ITIH3: variants seen among roughly 807,000 people sequenced by gnomAD.
ITIH3 encodes inter-alpha-trypsin inhibitor heavy chain 3.
In ITIH3, 81 loss-of-function variants were observed where a neutral mutation model predicts 96.5. The observed-to-expected ratio is 0.84, with a 90% confidence interval of 0.70 to 1.01. The LOEUF (loss-of-function observed/expected upper bound fraction) is 1.01. ITIH3 is among the 50% of genes least tolerant of loss of function. The probability of loss-of-function intolerance (pLI) is 0.00; values close to 1 mark genes in which losing one functional copy is unlikely to be tolerated. For synonymous variants in ITIH3, 422 were observed against 445.2 expected (o/e 0.95, Z 0.66); for missense variants, 1,057 against 1,139.3 (o/e 0.93, Z 1.04).
At chr3:52,802,120 T>C (rs1000036222) in intron 11 of ITIH3, 1 of 494,356 alleles carries the variant, frequency 2.0e-6, no homozygotes, top group African/African-American at 1.9e-5. Context: ...GAAATACTTC[T>C]GAAACTGTCC....
intron 11 of ITIH3, among the ~76,000 whole-genome samples, chr3:52,801,714 G>C (rs1469504288): frequency 2.0e-5 from 3 of 152,124 alleles, no homozygotes; most frequent in African/African-American, 7.2e-5. Context: ...TTGGATTAGG[G>C]CCCATACTCA....
chr3:52,802,919 G>C, intron 13 of ITIH3, 113 bp downstream of exon 13: 1 of 1,278,132 alleles, frequency 7.8e-7, no homozygotes. Context: ...AGCCCAGGAA[G>C]TGTCTGTAGA....
rs1559470526 is a variant in ITIH3 at position 52,797,866 on chromosome 3, A to AGGC, written c.600_602dup (p.Ala201dup). ...CAGGGAATCAGCATGCTGGATGCTGAGGCCTCTTTCATCACCAACGACCTC... is the reference window on the plus strand; with the variant it reads ...CAGGGAATCAGCATGCTGGATGCTGAGGCGGCCTCTTTCATCACCAACGACCTC... On this transcript the variant is annotated inframe_insertion, in exon 6 of 22. Coordinates refer to ENST00000449956, the MANE Select transcript of ITIH3 (RefSeq NM_002217.4). The AGGC allele has an allele frequency of 6.2e-7, 1 of 1,610,396 alleles. No homozygotes were observed.
chr3:52,797,941 T>C lies in ITIH3; in HGVS notation c.663+11T>C, dbSNP rs143340291. 1.3e-6 allele frequency: 2 copies of C among 1,515,124 alleles called. No homozygotes were observed. Among genetic ancestry groups the C allele is most frequent in the Non-Finnish European group, 9.0e-7 (1 of 1,106,006 alleles). The allele number at this position is 1,515,124 out of a possible 1,614,324, so 93.9% of individuals were successfully genotyped here. A position where few individuals can be genotyped will look rare whatever the true frequency, so the allele number is the denominator to read the frequency against. ...TTCTCAGGGAAAAAGGTGATGTAGA[T>C]GCCTCTCAGACCTGGTGGGGCAGGG... On this transcript the variant is annotated intron_variant, in intron 6 of 21. Transcript: ENST00000449956.
intron 21 of ITIH3, 127 bp from the exon 22 acceptor site, chr3:52,808,425 A>T (rs1408042597): frequency 7.3e-7 from 1 of 1,374,912 alleles, no homozygotes; most frequent in Admixed American, 1.8e-5. Context: ...ATGTAACTTC[A>T]TTCTTGACCA....
intron 2 of ITIH3, 54 bp downstream of exon 2, chr3:52,795,677 G>A: frequency 1.3e-6 from 2 of 1,565,236 alleles, no homozygotes; most frequent in Admixed American, 1.7e-5. Context: ...GGATGGAGCT[G>A]GTTCCCCAAC....
chr3:52,802,400 A>G lies in ITIH3; in HGVS notation c.1450A>G (p.Ile484Val), dbSNP rs1295298329. 3 of 1,613,804 alleles carry G rather than the reference A, an allele frequency of 1.9e-6. No homozygotes were observed. The highest frequency in any genetic ancestry group is 2.5e-6 in the Non-Finnish European group (3 of 1,179,884). Reference protein sequence around the residue: ...GVEMEYPENAILDLTQNTYQH... With the variant: ...GVEMEYPENAVLDLTQNTYQH... ...GGAGATGGAGTACCCCGAGAACGCTATCCTGGACCTCACCCAGAACACTTA... is the reference window on the plus strand; with the variant it reads ...GGAGATGGAGTACCCCGAGAACGCTGTCCTGGACCTCACCCAGAACACTTA... The change falls in exon 12 of 22, where the codon ATC becomes GTC. Residue 484 changes from isoleucine (I) to valine (V), a missense_variant. Coordinates refer to ENST00000449956, the MANE Select transcript of ITIH3 (RefSeq NM_002217.4).
chr3:52,796,112 C>T (rs1267961203), intron 2 of ITIH3: 7 of 260,662 alleles, frequency 2.7e-5, no homozygotes, highest in Admixed American at 2.0e-4. Context: ...GGGCTGTGTG[C>T]TTGAGGGAGT....
chr3:52,801,244 C>T lies in ITIH3; in HGVS notation c.1383+98C>T, dbSNP rs547451311. ...CAGTTCTAGTTATTAGGAAGAGCTT[C>T]GTCTTGGGTCAAAATCCACCTCTGA... is the stretch of plus-strand genomic sequence containing the variant. On this transcript the variant is annotated intron_variant, in intron 11 of 21. Coordinates refer to ENST00000449956, the MANE Select transcript of ITIH3 (RefSeq NM_002217.4). 293 of 1,126,862 alleles carry T rather than the reference C, an allele frequency of 2.6e-4. 1 individual carries two copies. The African/African-American group carries it at 4.1e-3, about 16-fold the overall frequency. The allele number at this position is 1,126,862 out of a possible 1,614,324, so 69.8% of individuals were successfully genotyped here. A position where few individuals can be genotyped will look rare whatever the true frequency, so the allele number is the denominator to read the frequency against.
intron 17 of ITIH3, 54 bp downstream of exon 17, chr3:52,806,192 G>A: frequency 6.9e-6 from 11 of 1,598,348 alleles, no homozygotes; most frequent in Non-Finnish European, 9.4e-6. Flanking sequence ...ACGTGCTCCT[G>A]CCTGTCTCGG....
At chr3:52,795,741 C>T (rs1699556656) in intron 2 of ITIH3, 118 bp downstream of exon 2, 14 of 983,194 alleles carry the variant, frequency 1.4e-5, no homozygotes, top group Non-Finnish European at 2.0e-5. Context: ...AAACAGCTTA[C>T]GGCCCTCTGC....
At chr3:52,808,260 CGA>C in intron 21 of ITIH3, 39 bp downstream of exon 21, 3 of 1,527,202 alleles carry the variant, frequency 2.0e-6, no homozygotes, top group Non-Finnish European at 2.7e-6. Context: ...TGCTCAGCAA[CGA>C]GAGGAGGAAA....
At chr3:52,797,716 G>A in intron 5 of ITIH3, 101 bp from the exon 6 acceptor site, 1 of 726,960 alleles carries the variant, frequency 1.4e-6, no homozygotes, top group South Asian at 1.7e-5. Flanking sequence ...GTCCTAGAGG[G>A]TCCCTGCATC....
chr3:52,804,885 C>T (rs1240265159), intron 15 of ITIH3, 151 bp downstream of exon 15: 13 of 817,442 alleles, frequency 1.6e-5, no homozygotes, highest in Middle Eastern at 3.6e-4. Context: ...AAATCATGAA[C>T]GTGCCCCTCT....
chr3:52,797,150 G>A lies in ITIH3; in HGVS notation c.432G>A (p.Val144=), dbSNP rs1284123520. 4 of 1,610,016 alleles carry A rather than the reference G, an allele frequency of 2.5e-6. No individual in the cohort carries two copies. The highest frequency in any genetic ancestry group is 3.4e-6 in the Non-Finnish European group (4 of 1,178,448). The change falls in exon 5 of 22, where the codon GTG becomes GTA. Residue 144 remains valine, a synonymous_variant. Transcript: ENST00000449956. ...KLEKFTVSVN[V]AAGSKVTFEL... ...AGAAGTTCACAGTCTCGGTCAACGTGGCTGCAGGCAGCAAAGTCACCTTCG... is the reference window on the plus strand; with the variant it reads ...AGAAGTTCACAGTCTCGGTCAACGTAGCTGCAGGCAGCAAAGTCACCTTCG...
Position 52,797,097 on chromosome 3 carries a change from C to A in ITIH3, c.387-8C>A. Reference sequence around the variant, plus strand: ...TTTGAGGGAGTCACCATCTCGCACCCTGGTCAGGGCCTCTGGGAGGAAGTT... The same window carrying A: ...TTTGAGGGAGTCACCATCTCGCACCATGGTCAGGGCCTCTGGGAGGAAGTT... On this transcript the variant is annotated splice_polypyrimidine_tract_variant and splice_region_variant and intron_variant, in intron 4 of 21. Transcript: ENST00000449956. The A allele has an allele frequency of 6.2e-7, 1 of 1,606,716 alleles. No individual in the cohort carries two copies. The highest frequency in any genetic ancestry group is 2.2e-5 in the East Asian group (1 of 44,666).
rs1700018592 is a variant in ITIH3 at position 52,805,832 on chromosome 3, C to G, written c.1898C>G (p.Ser633Cys). 1 of 1,613,866 alleles carries G rather than the reference C, an allele frequency of 6.2e-7. No individual in the cohort carries two copies. The highest frequency in any genetic ancestry group is 8.5e-7 in the Non-Finnish European group (1 of 1,179,806). ...GCCACACCGGTGAGCCCCGCCATGTCCTACCTGAGTGAGTACATGCTGGCA... is the reference window on the plus strand; with the variant it reads ...GCCACACCGGTGAGCCCCGCCATGTGCTACCTGAGTGAGTACATGCTGGCA... Reference protein sequence around the residue: ...AEATPVSPAMSYLTSYQPPQN... With the variant: ...AEATPVSPAMCYLTSYQPPQN... Residue 633 changes from serine (S) to cysteine (C), a missense_variant, in exon 16 of 22, where the codon TCC becomes TGC. Physicochemically the swap from Ser to Cys is moderately radical, Grantham distance 112. Transcript: ENST00000449956.
chr3:52,804,083 A>G, intron 14 of ITIH3, 74 bp downstream of exon 14: 1 of 1,518,388 alleles, frequency 6.6e-7, no homozygotes, highest in Non-Finnish European at 9.0e-7. Flanking sequence ...CCAGTGGAGG[A>G]GTGGGCCAGG....
In ITIH3 at chr3:52,805,729, G is replaced by A. The variant is rs377728793; in HGVS notation, c.1874-79G>A. ...TGGGGCCCCTCTGGGGCCCAGCAGC[G>A]CTAAGACAGGAGGAAGGCACGGGGC... On this transcript the variant is annotated intron_variant, in intron 15 of 21. Transcript: ENST00000449956. 1,863 of 1,602,214 alleles carry A rather than the reference G, an allele frequency of 1.2e-3. 10 individuals carry two copies. Among genetic ancestry groups the A allele is most frequent in the South Asian group, 4.7e-3 (423 of 90,288 alleles).
Sources: gnomAD v4.1 joint callset for allele counts (sites outside exome capture counted in the v4.1 genomes callset) on GRCh38, gnomAD v4.1.1 for gene constraint, MANE v1.5 for transcripts, NCBI Gene and HGNC (gene_info 2026-07-23, HGNC 2026-07-21) for gene names.